Variants in LINGO2 observed in about 807,000 individuals in gnomAD.
LINGO2 encodes the protein leucine-rich repeat and immunoglobulin-like domain-containing nogo receptor-interacting protein 2.
LINGO2 carries 14 observed loss-of-function variants against 30.6 expected under a neutral mutation model. That is an observed-to-expected ratio of 0.46 (90% confidence interval 0.30 to 0.72). The LOEUF is 0.72. Among genes scored for constraint, LINGO2 ranks in the 30% least tolerant of loss-of-function variants. LINGO2 has a pLI of 0.07. For synonymous variants in LINGO2, 317 were observed against 288.5 expected (o/e 1.10, Z -1.00); for missense variants, 729 against 751.7 (o/e 0.97, Z 0.35).
At chr9:28,552,526 T>A (rs1237730294) in intron 1 of LINGO2, among the ~76,000 whole-genome samples, 1 of 152,000 alleles carries the variant, frequency 6.6e-6, no homozygotes, top group Non-Finnish European at 1.5e-5. Context: ...GGGTACTGAC[T>A]TTTCAATGAT....
At chr9:28,313,155 T>C (rs1206295080) in intron 3 of LINGO2, among the ~76,000 whole-genome samples, 1 of 152,226 alleles carries the variant, frequency 6.6e-6, no homozygotes, top group African/African-American at 2.4e-5. Flanking sequence ...CGAGACTACA[T>C]AATTACAATT....
At chr9:29,211,558 C>T in the LINGO2 span, among the ~76,000 whole-genome samples, 2 of 123,050 alleles carry the variant, frequency 1.6e-5, no homozygotes, top group African/African-American at 3.8e-5. Flanking sequence ...CCTTCTCATC[C>T]TTCTCTTCTC....
chr9:28,856,805 A>G, the LINGO2 span, among the ~76,000 whole-genome samples: 2 of 152,166 alleles, frequency 1.3e-5, no homozygotes, highest in East Asian at 1.9e-4. Flanking sequence ...CAGACCACTT[A>G]GAAGGGTATT....
the LINGO2 span, among the ~76,000 whole-genome samples, chr9:28,817,203 TC>T: frequency 6.6e-6 from 1 of 151,828 alleles, no homozygotes; most frequent in South Asian, 2.1e-4. Flanking sequence ...CGTAGTTCAG[TC>T]ATTCCTGAGC....
chr9:28,498,760 C>G (rs1350974179), intron 1 of LINGO2, among the ~76,000 whole-genome samples: 3 of 152,140 alleles, frequency 2.0e-5, no homozygotes, highest in Admixed American at 6.5e-5. Context: ...ATGCTGGGAG[C>G]TGTAGACTGT....
chr9:28,243,429 C>T (rs1234938131), intron 4 of LINGO2, among the ~76,000 whole-genome samples: 6 of 149,090 alleles, frequency 4.0e-5, no homozygotes, highest in African/African-American at 1.5e-4. Context: ...TACTGCCTTC[C>T]AGCCTGTGCG....
At chr9:28,255,085 C>A (rs952211840) in intron 4 of LINGO2, among the ~76,000 whole-genome samples, 10 of 152,156 alleles carry the variant, frequency 6.6e-5, no homozygotes, top group African/African-American at 2.4e-4. Context: ...CTTATTCCTC[C>A]CAATTTTATT....
In LINGO2 at chr9:28,451,808, CTTAAATATAGTT is replaced by C. The variant is rs546164642; in HGVS notation, c.-279+24120_-279+24131del. Reference sequence around the variant, plus strand: ...GCCTACTAAATATTTTAAATATAGGCTTAAATATAGTTGAAATAATTGTACTGTCTTTTATAA... The same window carrying C: ...GCCTACTAAATATTTTAAATATAGGCGAAATAATTGTACTGTCTTTTATAA... On this transcript the variant is annotated intron_variant, in intron 2 of 5. Transcript: ENST00000379992. Among the ~76,000 whole-genome samples the C allele has an allele frequency of 4.6e-4, 69 of 151,624 alleles. 1 individual carries two copies. In the South Asian group the frequency reaches 0.013, roughly 29 times the overall value.
At chr9:29,121,793 C>T in the LINGO2 span, among the ~76,000 whole-genome samples, 1 of 152,062 alleles carries the variant, frequency 6.6e-6, no homozygotes, top group African/African-American at 2.4e-5. Flanking sequence ...GGTCATATGA[C>T]ATTTTGATCC....
At chr9:29,144,710 C>G in the LINGO2 span, among the ~76,000 whole-genome samples, 1 of 152,214 alleles carries the variant, frequency 6.6e-6, no homozygotes, top group African/African-American at 2.4e-5. Flanking sequence ...GCACAGCTGA[C>G]TGTCTGAGCT....
chr9:27,985,889 C>T (rs1340004419), intron 5 of LINGO2, among the ~76,000 whole-genome samples: 1 of 151,780 alleles, frequency 6.6e-6, no homozygotes, highest in African/African-American at 2.4e-5. Flanking sequence ...TCAAACGGAA[C>T]TTGTTATTTT....
intron 3 of LINGO2, among the ~76,000 whole-genome samples, chr9:28,297,305 T>C (rs574323169): frequency 6.6e-6 from 1 of 152,330 alleles, no homozygotes; most frequent in Non-Finnish European, 1.5e-5. Context: ...GTAAGTTTTG[T>C]GTATTTTCTT....
chr9:28,387,247 T>G (rs1021630445), intron 2 of LINGO2, among the ~76,000 whole-genome samples: 44 of 151,354 alleles, frequency 2.9e-4, no homozygotes, highest in East Asian at 1.9e-4. Context: ...CAATCAGCAC[T>G]CTGTAAAAAT....
chr9:29,176,032 C>T, the LINGO2 span, among the ~76,000 whole-genome samples: 1 of 152,058 alleles, frequency 6.6e-6, no homozygotes, highest in Non-Finnish European at 1.5e-5. Flanking sequence ...GCACCAAGTC[C>T]TCGATCTGCA....
chr9:29,132,980 C>G, the LINGO2 span, among the ~76,000 whole-genome samples: 1 of 151,944 alleles, frequency 6.6e-6, no homozygotes, highest in Non-Finnish European at 1.5e-5. Context: ...CTTAGCTTCC[C>G]TAACAGTTGG....
chr9:29,105,572 G>C, the LINGO2 span, among the ~76,000 whole-genome samples: 1 of 152,120 alleles, frequency 6.6e-6, no homozygotes, highest in South Asian at 2.1e-4. Context: ...TCCTTCCCTT[G>C]AGTATGGGAA....
chr9:28,013,082 C>A (rs1199080543), intron 4 of LINGO2, among the ~76,000 whole-genome samples: 3 of 152,100 alleles, frequency 2.0e-5, no homozygotes, highest in African/African-American at 7.2e-5. Flanking sequence ...CATTTTAAAC[C>A]TGTAAAATGT....
At chr9:27,979,750 C>A (rs1277679907) in intron 5 of LINGO2, among the ~76,000 whole-genome samples, 1 of 151,780 alleles carries the variant, frequency 6.6e-6, no homozygotes, top group Non-Finnish European at 1.5e-5. Flanking sequence ...ATATCAATGC[C>A]AATGATAAAA....
At chr9:28,513,529 G>A (rs893535773) in intron 1 of LINGO2, among the ~76,000 whole-genome samples, 2 of 152,156 alleles carry the variant, frequency 1.3e-5, no homozygotes, top group Non-Finnish European at 2.9e-5. Flanking sequence ...CAATATTTGA[G>A]TAAATAGTTT....
Sources: allele counts gnomAD v4.1 joint callset (sites outside exome capture counted in the v4.1 genomes callset), GRCh38; gene constraint gnomAD v4.1.1; transcripts MANE v1.5; gene names NCBI Gene and HGNC (gene_info 2026-07-23, HGNC 2026-07-21).